Variants in ZNF469 observed in about 807,000 individuals in gnomAD.
ZNF469 encodes the protein zinc finger protein 469.
Under a neutral mutation model 1.0 loss-of-function variants are expected in ZNF469, and 1 was observed. That is an observed-to-expected ratio of 1.00 (90% CI 0.35 to 4.73). ZNF469 has a LOEUF of 4.73. Among genes scored for constraint, ZNF469 ranks in the 30% most tolerant of loss-of-function variants. The pLI, the probability that ZNF469 is intolerant of heterozygous loss-of-function variation, is 0.16. For synonymous variants in ZNF469, 2,703 were observed against 2,363.4 expected (o/e 1.14, Z -4.17); for missense variants, 6,100 against 5,356.3 (o/e 1.14, Z -4.33).
chr16:88,104,017 G>C, the ZNF469 span, among the ~76,000 whole-genome samples: 1 of 151,992 alleles, frequency 6.6e-6, no homozygotes, highest in South Asian at 2.1e-4. Context: ...TGAGGAACGG[G>C]GGTTGCCTGC....
chr16:88,438,422 C>T lies in ZNF469; in HGVS notation c.10952C>T (p.Ser3651Phe), dbSNP rs955999155. 5 of 1,550,010 alleles carry T rather than the reference C, an allele frequency of 3.2e-6. No individual in the cohort carries two copies. The African/African-American group carries it at 6.8e-5, about 21-fold the overall frequency. ...DHLLQKEKEV[S>F]SSHMVSEGGP... The stretch of plus-strand genomic sequence containing the variant: ...CTACTTCAGAAAGAGAAGGAGGTGT[C>T]CTCAAGCCACATGGTGTCTGAGGGG... Residue 3651 changes from serine to phenylalanine, a missense_variant, in exon 3 of 3, where the codon TCC (serine) becomes TTC (phenylalanine). Coordinates refer to ENST00000565624, the MANE Select transcript of ZNF469 (RefSeq NM_001367624.2).
chr16:88,384,296 C>T (rs549322444), intron 1 of ZNF469, among the ~76,000 whole-genome samples: 1 of 152,346 alleles, frequency 6.6e-6, no homozygotes, highest in Admixed American at 6.5e-5. Flanking sequence ...GTCTAGTTCC[C>T]TTCTGCCGGT....
At chr16:88,140,219 T>C in the ZNF469 span, among the ~76,000 whole-genome samples, 3 of 152,190 alleles carry the variant, frequency 2.0e-5, no homozygotes, top group Admixed American at 6.5e-5. Flanking sequence ...AAAAAAACTT[T>C]GGCTATATTA....
chr16:88,376,924 G>A, the ZNF469 span, among the ~76,000 whole-genome samples: 3 of 152,186 alleles, frequency 2.0e-5, no homozygotes, highest in African/African-American at 7.2e-5. Context: ...CGAGGCCCCC[G>A]AGGGCCCAGC....
the ZNF469 span, among the ~76,000 whole-genome samples, chr16:88,209,210 C>G: frequency 6.6e-6 from 1 of 152,196 alleles, no homozygotes; most frequent in African/African-American, 2.4e-5. Context: ...ATCTCCCCAA[C>G]ACTGTCCCTC....
intron 1 of ZNF469, among the ~76,000 whole-genome samples, chr16:88,411,134 T>C (rs1476320612): frequency 5.3e-5 from 8 of 152,180 alleles, no homozygotes; most frequent in African/African-American, 1.9e-4. Flanking sequence ...GTCACATTCG[T>C]AGGTGCTGGG....
chr16:88,134,884 A>G, the ZNF469 span, among the ~76,000 whole-genome samples: 2 of 152,238 alleles, frequency 1.3e-5, no homozygotes, highest in Admixed American at 6.5e-5. Context: ...AGCTCTTTCT[A>G]TATGGAGGAT....
At chr16:88,315,829 G>A in the ZNF469 span, among the ~76,000 whole-genome samples, 2 of 152,314 alleles carry the variant, frequency 1.3e-5, no homozygotes, top group African/African-American at 2.4e-5. Flanking sequence ...TGGGAGACAC[G>A]GAGCAGCGGC....
chr16:88,406,291 CAT>C (rs1267495849), intron 1 of ZNF469, among the ~76,000 whole-genome samples: 33 of 152,310 alleles, frequency 2.2e-4, no homozygotes, highest in African/African-American at 5.1e-4. Flanking sequence ...TCCGTGTACA[CAT>C]GTGTGTGTTC....
At chr16:88,342,856 G>T in the ZNF469 span, among the ~76,000 whole-genome samples, 1 of 152,206 alleles carries the variant, frequency 6.6e-6, no homozygotes, top group Non-Finnish European at 1.5e-5. Flanking sequence ...AGCCCTTGTC[G>T]GGACCCAGTT....
At chr16:88,104,820 C>G in the ZNF469 span, among the ~76,000 whole-genome samples, 193 of 152,338 alleles carry the variant, frequency 1.3e-3, no homozygotes, top group Middle Eastern at 6.8e-3. Context: ...TCTCCTACAC[C>G]TGGAGGCCTC....
chr16:88,293,508 G>A, the ZNF469 span, among the ~76,000 whole-genome samples: 68 of 152,166 alleles, frequency 4.5e-4, 1 homozygote, highest in Non-Finnish European at 8.5e-4. Flanking sequence ...GGATGGGTAG[G>A]TAGATAGATG....
the ZNF469 span, among the ~76,000 whole-genome samples, chr16:88,356,490 C>CTG: frequency 1.5e-4 from 22 of 151,146 alleles, no homozygotes; most frequent in Admixed American, 1.3e-3. Context: ...GTACACATGC[C>CTG]TGTGTGTGTG....
At chr16:88,415,425 G>A (rs1253972381) in intron 1 of ZNF469, among the ~76,000 whole-genome samples, 1 of 152,244 alleles carries the variant, frequency 6.6e-6, no homozygotes, top group East Asian at 1.9e-4. Flanking sequence ...GAGGGAAGAA[G>A]GCTCTGTGTC....
the ZNF469 span, among the ~76,000 whole-genome samples, chr16:88,264,853 ATG>A: frequency 6.6e-6 from 1 of 152,052 alleles, no homozygotes; most frequent in African/African-American, 2.4e-5. Context: ...TACTGCTCAG[ATG>A]CTCACTGCGC....
chr16:88,411,341 C>T (rs923719185), intron 1 of ZNF469, among the ~76,000 whole-genome samples: 3 of 152,042 alleles, frequency 2.0e-5, no homozygotes, highest in Non-Finnish European at 4.4e-5. Context: ...CAGAGCCCAA[C>T]GCAGCCCCGG....
At chr16:88,101,491 C>G in the ZNF469 span, among the ~76,000 whole-genome samples, 1 of 151,386 alleles carries the variant, frequency 6.6e-6, no homozygotes, top group Non-Finnish European at 1.5e-5. Context: ...TTGGGATATG[C>G]TGTGGACAGA....
chr16:88,311,908 G>A, the ZNF469 span, among the ~76,000 whole-genome samples: 3 of 152,216 alleles, frequency 2.0e-5, no homozygotes, highest in African/African-American at 7.2e-5. Context: ...CTCATTGGCT[G>A]CTTGTATTAG....
Position 88,433,349 on chromosome 16 carries a change from G to A in ZNF469, c.5879G>A (p.Gly1960Glu). 6.5e-7 allele frequency: 1 copy of A among 1,550,282 alleles called. No homozygotes were observed. Among genetic ancestry groups the A allele is most frequent in the East Asian group, 2.4e-5 (1 of 40,918 alleles). The change falls in exon 3 of 3, where the codon GGG (glycine) becomes GAG (glutamate). Residue 1960 changes from glycine (G) to glutamate (E), a missense_variant. Transcript: ENST00000565624. ...VACGPAQGSP[G>E]GVQVTTLPAV... ...TGTGGCCCCGCCCAGGGCTCCCCAG[G>A]GGGTGTGCAGGTGACAACTCTCCCT...
Sources: gnomAD v4.1 joint callset for allele counts (sites outside exome capture counted in the v4.1 genomes callset) on GRCh38, gnomAD v4.1.1 for gene constraint, MANE v1.5 for transcripts, NCBI Gene and HGNC (gene_info 2026-07-23, HGNC 2026-07-21) for gene names.